The following PLCB1 variants were observed in gnomAD, a reference collection of about 807,000 sequenced individuals.
PLCB1 encodes 1-phosphatidylinositol 4,5-bisphosphate phosphodiesterase beta-1.
PLCB1 carries 46 observed loss-of-function variants against 161.8 expected under a neutral mutation model. The observed-to-expected ratio is 0.28, with a 90% CI of 0.22 to 0.36. The LOEUF (loss-of-function observed/expected upper bound fraction) is 0.36, where lower values mean the gene tolerates loss of function less well. Among genes scored for constraint, PLCB1 ranks in the 10% least tolerant of loss-of-function variants. The pLI is 1.00. For missense variants in PLCB1, 1,016 were observed against 1,472.5 expected (o/e 0.69, Z 5.07); for synonymous variants, 517 against 503.7 (o/e 1.03, Z -0.35).
At chr20:8,239,847 T>G (rs556412277) in intron 2 of PLCB1, among the ~76,000 whole-genome samples, 5 of 152,102 alleles carry the variant, frequency 3.3e-5, no homozygotes, top group Admixed American at 3.3e-4. Context: ...TGGGTTTTTG[T>G]TGATGTTGAT....
At chr20:8,510,572 G>C (rs1481234294) in intron 3 of PLCB1, among the ~76,000 whole-genome samples, 1 of 151,668 alleles carries the variant, frequency 6.6e-6, no homozygotes, top group East Asian at 1.9e-4. Context: ...TGTATTTTTA[G>C]TAGAGGCGAG....
chr20:8,868,798 GTTT>G (rs956896630), intron 31 of PLCB1, among the ~76,000 whole-genome samples: 2 of 151,460 alleles, frequency 1.3e-5, no homozygotes, highest in Non-Finnish European at 2.9e-5. Flanking sequence ...CACGCAGCCA[GTTT>G]TTTTTTATTT....
chr20:8,281,978 C>G (rs756276880), intron 2 of PLCB1, among the ~76,000 whole-genome samples: 1 of 151,986 alleles, frequency 6.6e-6, no homozygotes, highest in Admixed American at 6.6e-5. Context: ...AAAATCTAAA[C>G]TGAAATATTT....
At chr20:8,284,653 A>G (rs1983029949) in intron 2 of PLCB1, among the ~76,000 whole-genome samples, 1 of 152,156 alleles carries the variant, frequency 6.6e-6, no homozygotes, top group Non-Finnish European at 1.5e-5. Context: ...TCTCCTCTTG[A>G]AATTGCCCCC....
At chr20:8,336,332 G>A (rs917037739) in intron 2 of PLCB1, among the ~76,000 whole-genome samples, 1 of 152,106 alleles carries the variant, frequency 6.6e-6, no homozygotes, top group South Asian at 2.1e-4. Flanking sequence ...TTACAAAAAT[G>A]GGATTATGGC....
Position 8,760,460 on chromosome 20 carries a change from G to C in PLCB1, c.2710G>C (p.Glu904Gln). 1 of 1,607,532 alleles carries C rather than the reference G, an allele frequency of 6.2e-7. No homozygotes were observed. Among genetic ancestry groups the C allele is most frequent in the African/African-American group, 1.3e-5 (1 of 74,898 alleles). ...TEDLIQSVLT[E>Q]VEAQTIEELK... ...AGATCTTATTCAGAGTGTCTTAACA[G>C]GTAAATGCCACCCTTTCCCCCCATG... The change falls in exon 25 of 32, where the codon GAA becomes CAA. Residue 904 changes from glutamate (E) to glutamine (Q), a missense_variant and splice_region_variant. Glu to Gln is a conservative substitution (Grantham distance 29, BLOSUM62 2). Coordinates refer to ENST00000338037, the MANE Select transcript of PLCB1 (RefSeq NM_015192.4).
chr20:8,773,805 C>T (rs571052373), intron 26 of PLCB1, among the ~76,000 whole-genome samples: 4 of 152,248 alleles, frequency 2.6e-5, no homozygotes, highest in Admixed American at 2.6e-4. Flanking sequence ...GAAACCTCAT[C>T]TCTAATAAAA....
chr20:8,474,363 T>G (rs1490253696), intron 3 of PLCB1, among the ~76,000 whole-genome samples: 1 of 152,034 alleles, frequency 6.6e-6, no homozygotes, highest in Non-Finnish European at 1.5e-5. Context: ...GAGTATGACA[T>G]TTGAGCAGAG....
chr20:8,447,640 G>A (rs1317568944), intron 3 of PLCB1, among the ~76,000 whole-genome samples: 1 of 152,306 alleles, frequency 6.6e-6, no homozygotes, highest in East Asian at 1.9e-4. Context: ...CTCAGTGAAA[G>A]GTACAGAGGA....
At chr20:8,590,414 A>G (rs374315379) in intron 3 of PLCB1, among the ~76,000 whole-genome samples, 136 of 152,326 alleles carry the variant, frequency 8.9e-4, no homozygotes, top group Middle Eastern at 3.4e-3. Flanking sequence ...TCCTTAAAAT[A>G]TAAAATCGAT....
At chr20:8,160,589 A>C (rs991538457) in intron 2 of PLCB1, among the ~76,000 whole-genome samples, 1 of 152,156 alleles carries the variant, frequency 6.6e-6, no homozygotes, top group African/African-American at 2.4e-5. Flanking sequence ...AAACCATTAG[A>C]TCTTGTGAGA....
chr20:8,714,405 C>T (rs1021344214), intron 12 of PLCB1, among the ~76,000 whole-genome samples: 1 of 152,144 alleles, frequency 6.6e-6, no homozygotes, highest in African/African-American at 2.4e-5. Context: ...AGCCACAGAG[C>T]AGGCTGACCT....
At position 8,790,247 on chromosome 20, in the gene PLCB1, G is replaced by A; in HGVS notation, c.3409G>A (p.Asp1137Asn). The A allele has an allele frequency of 6.2e-7, 1 of 1,610,496 alleles. No individual in the cohort carries two copies. Among genetic ancestry groups the A allele is most frequent in the Non-Finnish European group, 8.5e-7 (1 of 1,177,694 alleles). ...KHKEIRQQIL[D>N]EKPKLQVELE... ...CAAGGAAATACGTCAGCAGATCCTG[G>A]ATGAAAAGCCCAAGGTAAACGGAAC... Residue 1137 changes from aspartate to asparagine, a missense_variant, in exon 31 of 32, where the codon GAT becomes AAT. Asp to Asn is a conservative substitution (Grantham distance 23). This residue lies in a region of PLCB1 where 398 missense variants were observed against 445.4 expected (regional missense o/e 0.89). Transcript: ENST00000338037.
intron 4 of PLCB1, among the ~76,000 whole-genome samples, chr20:8,632,035 C>CTTTTTTTTTTTGTTTTTTTTTT (rs1568537430): frequency 2.2e-5 from 1 of 45,984 alleles, no homozygotes; most frequent in Non-Finnish European, 3.7e-5. Context: ...GTTTTTTTTG[C>CTTTTTTTTTTTGTTTTTTTTTT]TTTTTTTTTT....
At chr20:8,236,481 T>C (rs1224241004) in intron 2 of PLCB1, among the ~76,000 whole-genome samples, 2 of 151,944 alleles carry the variant, frequency 1.3e-5, no homozygotes, top group Non-Finnish European at 2.9e-5. Context: ...TGCAGTAAAC[T>C]ATAATCTCAC....
At chr20:8,548,042 C>T (rs1201623144) in intron 3 of PLCB1, among the ~76,000 whole-genome samples, 1 of 152,100 alleles carries the variant, frequency 6.6e-6, no homozygotes, top group Non-Finnish European at 1.5e-5. Flanking sequence ...CACCCACACA[C>T]TCCTGGTCCA....
At chr20:8,875,216 A>G (rs967694349) in intron 31 of PLCB1, among the ~76,000 whole-genome samples, 2 of 150,834 alleles carry the variant, frequency 1.3e-5, no homozygotes, top group African/African-American at 2.4e-5. Flanking sequence ...AAAGATATCT[A>G]TATTTTTCTT....
chr20:8,757,023 T>C (rs1981770250), intron 23 of PLCB1, 23 bp from the exon 24 acceptor site: 1 of 1,566,038 alleles, frequency 6.4e-7, no homozygotes, highest in Non-Finnish European at 8.7e-7. Context: ...ATGTGGAAAA[T>C]GAAAGGATAT....
chr20:8,707,478 C>T (rs1483010396), intron 11 of PLCB1, among the ~76,000 whole-genome samples: 1 of 152,068 alleles, frequency 6.6e-6, no homozygotes, highest in Non-Finnish European at 1.5e-5. Context: ...ACTTTACTAC[C>T]AGTTAAATAA....
Sources: gnomAD v4.1 joint callset for allele counts (sites outside exome capture counted in the v4.1 genomes callset) on GRCh38, gnomAD v4.1.1 for gene constraint, gnomAD v4.1.1 regional missense constraint, MANE v1.5 for transcripts, NCBI Gene and HGNC (gene_info 2026-07-23, HGNC 2026-07-21) for gene names.